UBE4B: variants seen among roughly 807,000 people sequenced by gnomAD.
UBE4B encodes the protein ubiquitin conjugation factor E4 B.
A neutral mutation model predicts 148.1 loss-of-function variants in UBE4B; 27 were observed. That is an observed-to-expected ratio of 0.18 (90% CI 0.13 to 0.25). The LOEUF is 0.25. Ranked by LOEUF, UBE4B falls within the 10% of genes least tolerant of loss-of-function variation. The pLI is 1.00. For missense variants in UBE4B, 1,170 were observed against 1,662.4 expected (o/e 0.70, Z 5.15); for synonymous variants, 596 against 619.3 (o/e 0.96, Z 0.56).
chr1:10,051,775 C>G (rs1391636912), intron 1 of UBE4B, among the ~76,000 whole-genome samples: 1 of 152,184 alleles, frequency 6.6e-6, no homozygotes, highest in Non-Finnish European at 1.5e-5. Context: ...AGGTGACACA[C>G]TTTACTCCCA....
rs971283816 is a variant in UBE4B, at chr1:10,072,374, T to G, written c.211+160T>G. The G allele has an allele frequency of 2.3e-5, 20 of 880,276 alleles. No individual in the cohort carries two copies. In the African/African-American group the frequency reaches 3.3e-4, roughly 14 times the overall value. 54.5% of individuals were successfully genotyped at this position (880,276 alleles called of 1,614,324 possible). On this transcript the variant is annotated intron_variant, in intron 2 of 27. Coordinates refer to ENST00000343090, the MANE Select transcript of UBE4B (RefSeq NM_001105562.3). Reference sequence around the variant, plus strand: ...TAAATATCATTGCAATGTGTTGTGTTATCGCTTTTTTTTTTATTGCAATCT... The same window carrying G: ...TAAATATCATTGCAATGTGTTGTGTGATCGCTTTTTTTTTTATTGCAATCT...
chr1:10,077,249 A>C (rs1384701854), intron 2 of UBE4B, among the ~76,000 whole-genome samples: 1 of 152,138 alleles, frequency 6.6e-6, no homozygotes, highest in Non-Finnish European at 1.5e-5. Context: ...AGTTGCTGGC[A>C]GTCCTTGGCA....
At chr1:10,143,765 T>G (rs1192731119) in intron 17 of UBE4B, among the ~76,000 whole-genome samples, 2 of 152,198 alleles carry the variant, frequency 1.3e-5, no homozygotes, top group East Asian at 3.8e-4. Context: ...ACTGAATCAT[T>G]GGAATGGCTA....
chr1:10,034,486 A>T (rs1643425980), intron 1 of UBE4B, among the ~76,000 whole-genome samples: 1 of 151,958 alleles, frequency 6.6e-6, no homozygotes, highest in Admixed American at 6.6e-5. Context: ...TGTAAAAAAA[A>T]AAACAACCAA....
At chr1:10,100,472 G>A (rs763583195) in intron 3 of UBE4B, among the ~76,000 whole-genome samples, 3 of 152,128 alleles carry the variant, frequency 2.0e-5, no homozygotes, top group Non-Finnish European at 4.4e-5. Context: ...GACCATAGGC[G>A]CATGCCAATA....
At chr1:10,127,221 A>C (rs1645515344) in intron 11 of UBE4B, among the ~76,000 whole-genome samples, 1 of 152,122 alleles carries the variant, frequency 6.6e-6, no homozygotes, top group African/African-American at 2.4e-5. Context: ...AAAACCTATT[A>C]AAAATGCAAA....
chr1:10,090,403 G>T (rs1644828417), intron 2 of UBE4B, among the ~76,000 whole-genome samples: 1 of 152,156 alleles, frequency 6.6e-6, no homozygotes, highest in South Asian at 2.1e-4. Flanking sequence ...TTATAGGCGT[G>T]AGCCACCATG....
chr1:10,039,623 A>G (rs1407247643), intron 1 of UBE4B, among the ~76,000 whole-genome samples: 2 of 148,430 alleles, frequency 1.3e-5, no homozygotes, highest in Non-Finnish European at 3.0e-5. Context: ...TATTTTTAGT[A>G]AAGATGGGGT....
chr1:10,056,202 C>G (rs761660838), intron 1 of UBE4B, among the ~76,000 whole-genome samples: 3 of 152,260 alleles, frequency 2.0e-5, no homozygotes, highest in Middle Eastern at 3.4e-3. Context: ...TTTGGTTTCT[C>G]TTGCTCCTAA....
intron 25 of UBE4B, among the ~76,000 whole-genome samples, chr1:10,177,079 G>A (rs945848544): frequency 5.3e-5 from 8 of 151,472 alleles, no homozygotes; most frequent in South Asian, 2.1e-4. Flanking sequence ...GAGCCACCGC[G>A]CCCAACCAGA....
intron 5 of UBE4B, among the ~76,000 whole-genome samples, chr1:10,104,526 A>T (rs1645074251): frequency 6.6e-6 from 1 of 152,100 alleles, no homozygotes; most frequent in Non-Finnish European, 1.5e-5. Context: ...CAAGGAGATC[A>T]CCTTTCTCTT....
Position 10,179,158 on chromosome 1 carries a change from C to T in UBE4B, c.3701-258C>T, listed in dbSNP as rs943764039. On this transcript the variant is annotated intron_variant, in intron 26 of 27. Coordinates refer to ENST00000343090, the MANE Select transcript of UBE4B (RefSeq NM_001105562.3). ...GTCCTCGCCACGGAGCCTGTGGGGC[C>T]TGCTGCTGGGTCTGTCCCAGGCTTT... The T allele has an allele frequency of 8.0e-6, 4 of 502,154 alleles. No individual in the cohort carries two copies. In the South Asian group the frequency reaches 1.1e-4, roughly 14 times the overall value. The allele number at this position is 502,154 out of a possible 1,614,324, so 31.1% of individuals were successfully genotyped here.
intron 24 of UBE4B, among the ~76,000 whole-genome samples, chr1:10,170,622 A>C (rs1646324821): frequency 6.6e-6 from 1 of 152,248 alleles, no homozygotes. Context: ...TATTCAAGGC[A>C]TAACTTTTAT....
At chr1:10,144,071 T>C (rs1454867664) in intron 17 of UBE4B, among the ~76,000 whole-genome samples, 1 of 152,068 alleles carries the variant, frequency 6.6e-6, no homozygotes, top group Non-Finnish European at 1.5e-5. Context: ...GGGGTTGAAA[T>C]AGTGTTAAGA....
rs772892124 is a variant in UBE4B at position 10,168,344 on chromosome 1, G to A, written c.3333+74G>A. 4 of 1,528,804 alleles carry A rather than the reference G, an allele frequency of 2.6e-6. No homozygotes were observed. The highest frequency in any genetic ancestry group is 2.6e-6 in the Non-Finnish European group (3 of 1,136,576). 94.7% of individuals were successfully genotyped at this position (1,528,804 alleles called of 1,614,324 possible). On this transcript the variant is annotated intron_variant, in intron 24 of 27. Coordinates refer to ENST00000343090, the MANE Select transcript of UBE4B (RefSeq NM_001105562.3). The surrounding 1 kb of genome is among the most constrained non-coding windows in gnomAD (Gnocchi z 4.9). Reference sequence around the variant, plus strand: ...GACTCTCTCACTTATAACTTTAGCAGTTGTTGAAGTTCTGGAAATTTTAGG... The same window carrying A: ...GACTCTCTCACTTATAACTTTAGCAATTGTTGAAGTTCTGGAAATTTTAGG...
intron 1 of UBE4B, among the ~76,000 whole-genome samples, chr1:10,061,626 G>A (rs968734329): frequency 1.3e-5 from 2 of 152,044 alleles, no homozygotes; most frequent in Admixed American, 1.3e-4. Context: ...TTTGGGGTAA[G>A]GGATCTCCTT....
At chr1:10,055,170 T>C (rs549966542) in intron 1 of UBE4B, among the ~76,000 whole-genome samples, 14 of 152,326 alleles carry the variant, frequency 9.2e-5, no homozygotes, top group African/African-American at 3.4e-4. Flanking sequence ...ATCTTTTGGC[T>C]TGAAATGTTA....
intron 17 of UBE4B, among the ~76,000 whole-genome samples, chr1:10,142,445 C>T (rs1645797826): frequency 6.6e-6 from 1 of 152,116 alleles, no homozygotes; most frequent in Non-Finnish European, 1.5e-5. Flanking sequence ...CCGAGGTGGG[C>T]AGATCACATG....
chr1:10,102,391 CTTTTTTTTTTTTTTTTTTTT>C (rs33997625), intron 4 of UBE4B, among the ~76,000 whole-genome samples: 980 of 51,562 alleles, frequency 0.019, 18 homozygotes, highest in African/African-American at 0.054. Context: ...TGACTTTGCT[CTTTTTTTTTTTTTTTTTTTT>C]TTTTTTTTTT....
Sources: allele counts gnomAD v4.1 joint callset (sites outside exome capture counted in the v4.1 genomes callset), GRCh38; gene constraint gnomAD v4.1.1; non-coding constraint Gnocchi (gnomAD v3.1); transcripts MANE v1.5; gene names NCBI Gene and HGNC (gene_info 2026-07-23, HGNC 2026-07-21).